Variants in KCNIP4 observed in about 807,000 individuals in gnomAD.
The protein encoded by KCNIP4 is Kv channel-interacting protein 4.
In KCNIP4, 12 loss-of-function variants were observed where a neutral mutation model predicts 34.0. The ratio of observed to expected loss-of-function variants is 0.35; its 90% CI spans 0.23 to 0.57. KCNIP4 has a LOEUF of 0.57. Ranked by LOEUF, KCNIP4 falls within the 20% of genes least tolerant of loss-of-function variation. The pLI is 0.83. For missense variants in KCNIP4, 238 were observed against 311.7 expected (o/e 0.76, Z 1.78); for synonymous variants, 124 against 102.2 (o/e 1.21, Z -1.29).
intron 1 of KCNIP4, among the ~76,000 whole-genome samples, chr4:21,564,826 G>A (rs898418597): frequency 2.0e-5 from 3 of 150,904 alleles, no homozygotes; most frequent in African/African-American, 7.2e-5. Context: ...GGAAGCAAGA[G>A]AGAGAGTGGA....
chr4:21,622,086 T>A (rs910522756), intron 1 of KCNIP4, among the ~76,000 whole-genome samples: 1 of 152,222 alleles, frequency 6.6e-6, no homozygotes, highest in African/African-American at 2.4e-5. Flanking sequence ...GCTGCGAAGT[T>A]ATTGTATCCT....
intron 1 of KCNIP4, among the ~76,000 whole-genome samples, chr4:21,620,238 C>A (rs1319457553): frequency 6.6e-6 from 1 of 152,156 alleles, no homozygotes. Flanking sequence ...CGTGGTGGCT[C>A]ATGCCTGTAA....
At chr4:21,884,140 T>C (rs1470281005) in intron 1 of KCNIP4, among the ~76,000 whole-genome samples, 2 of 152,132 alleles carry the variant, frequency 1.3e-5, no homozygotes, top group Non-Finnish European at 2.9e-5. Flanking sequence ...AGATATATTT[T>C]AGGATGATAA....
chr4:21,020,996 G>C (rs1457240625), intron 1 of KCNIP4, among the ~76,000 whole-genome samples: 1 of 152,150 alleles, frequency 6.6e-6, no homozygotes, highest in Non-Finnish European at 1.5e-5. Context: ...TGTGTCCTTA[G>C]GGGATTCTGT....
At chr4:21,478,337 T>C (rs1731159235) in intron 1 of KCNIP4, among the ~76,000 whole-genome samples, 1 of 152,132 alleles carries the variant, frequency 6.6e-6, no homozygotes, top group Non-Finnish European at 1.5e-5. Flanking sequence ...CTTGGGCCTT[T>C]TGAAATCTAA....
At chr4:20,965,792 T>A (rs1734283430) in intron 1 of KCNIP4, among the ~76,000 whole-genome samples, 1 of 152,218 alleles carries the variant, frequency 6.6e-6, no homozygotes, top group African/African-American at 2.4e-5. Context: ...AATATAGCCA[T>A]AAATGCTGAG....
chr4:21,913,897 G>C (rs990042053), intron 1 of KCNIP4, among the ~76,000 whole-genome samples: 3 of 152,014 alleles, frequency 2.0e-5, no homozygotes, highest in African/African-American at 7.2e-5. Flanking sequence ...AGCATAAGTG[G>C]GATAGTCCAA....
At chr4:20,877,180 T>C (rs915175063) in intron 2 of KCNIP4, among the ~76,000 whole-genome samples, 6 of 152,158 alleles carry the variant, frequency 3.9e-5, no homozygotes, top group Non-Finnish European at 5.9e-5. Flanking sequence ...CTTTGGTGAG[T>C]TGACAATAGC....
At chr4:20,821,226 C>T (rs1717072081) in intron 3 of KCNIP4, among the ~76,000 whole-genome samples, 1 of 152,196 alleles carries the variant, frequency 6.6e-6, no homozygotes, top group Non-Finnish European at 1.5e-5. Context: ...TATTATCACG[C>T]CTCAGAGGTG....
chr4:20,785,833 A>G (rs2149397978), intron 3 of KCNIP4, among the ~76,000 whole-genome samples: 1 of 152,116 alleles, frequency 6.6e-6, no homozygotes, highest in Non-Finnish European at 1.5e-5. Flanking sequence ...TGGTGGAAGG[A>G]TCTCCATTTC....
intron 1 of KCNIP4, among the ~76,000 whole-genome samples, chr4:21,671,780 C>A (rs918565389): frequency 1.3e-5 from 2 of 152,126 alleles, no homozygotes; most frequent in African/African-American, 4.8e-5. Context: ...TAAATCCTAA[C>A]GGCTTGCAAG....
At chr4:20,802,365 A>G (rs1714440262) in intron 3 of KCNIP4, among the ~76,000 whole-genome samples, 1 of 151,484 alleles carries the variant, frequency 6.6e-6, no homozygotes, top group Admixed American at 6.6e-5. Flanking sequence ...CACAATGTAA[A>G]TAGTTATAAA....
chr4:21,697,813 G>A, intron 1 of KCNIP4: 1 of 245,556 alleles, frequency 4.1e-6, no homozygotes, highest in Non-Finnish European at 6.9e-6. Flanking sequence ...CGGGGCCTGC[G>A]ATGCCAGCTC....
intron 1 of KCNIP4, among the ~76,000 whole-genome samples, chr4:21,920,236 T>A (rs1031442628): frequency 1.3e-5 from 2 of 152,182 alleles, no homozygotes; most frequent in African/African-American, 4.8e-5. Flanking sequence ...TGAGTACAGT[T>A]GACTTTTTGT....
chr4:21,153,112 A>G (rs1752878319), intron 1 of KCNIP4, among the ~76,000 whole-genome samples: 1 of 152,182 alleles, frequency 6.6e-6, no homozygotes, highest in African/African-American at 2.4e-5. Context: ...AACACATGGC[A>G]TTTGATATTT....
intron 1 of KCNIP4, among the ~76,000 whole-genome samples, chr4:21,336,600 G>A (rs1716203357): frequency 6.6e-6 from 1 of 152,018 alleles, no homozygotes; most frequent in Non-Finnish European, 1.5e-5. Context: ...TATGTCCTCT[G>A]AATATACCTC....
chr4:21,243,563 T>C (rs1164123069), intron 1 of KCNIP4, among the ~76,000 whole-genome samples: 2 of 152,132 alleles, frequency 1.3e-5, no homozygotes, highest in African/African-American at 2.4e-5. Flanking sequence ...GGTTGACTAG[T>C]CCACTTTAAT....
At chr4:21,043,928 C>T (rs1316142164) in intron 1 of KCNIP4, among the ~76,000 whole-genome samples, 2 of 152,084 alleles carry the variant, frequency 1.3e-5, no homozygotes, top group African/African-American at 4.8e-5. Context: ...GTATCCAAAT[C>T]GCCTTTAAAA....
chr4:21,333,158 A>T (rs1236530631), intron 1 of KCNIP4, among the ~76,000 whole-genome samples: 1 of 152,018 alleles, frequency 6.6e-6, no homozygotes, highest in Non-Finnish European at 1.5e-5. Flanking sequence ...CATTTTTGAT[A>T]ATTTGATTGC....
Sources: gnomAD v4.1 joint callset for allele counts (sites outside exome capture counted in the v4.1 genomes callset) on GRCh38, gnomAD v4.1.1 for gene constraint, MANE v1.5 for transcripts, NCBI Gene and HGNC (gene_info 2026-07-23, HGNC 2026-07-21) for gene names.